The following TGFB1I1 variants were observed in gnomAD, a reference collection of about 807,000 sequenced individuals.
TGFB1I1 encodes the protein transforming growth factor beta 1 induced transcript 1.
TGFB1I1 carries 33 observed loss-of-function variants against 52.0 expected under a neutral mutation model. That is an observed-to-expected ratio of 0.63 (90% CI 0.48 to 0.85). The LOEUF (loss-of-function observed/expected upper bound fraction) is 0.85, where lower values mean the gene tolerates loss of function less well. Among genes scored for constraint, TGFB1I1 ranks in the 40% least tolerant of loss-of-function variants. The probability of loss-of-function intolerance (pLI) is 0.00; values close to 1 mark genes in which losing one functional copy is unlikely to be tolerated. For synonymous variants in TGFB1I1, 236 were observed against 253.3 expected, an observed-to-expected ratio of 0.93 and a Z score of 0.65; for missense variants, 577 against 614.9, an observed-to-expected ratio of 0.94 and a Z score of 0.65.
At position 31,477,011 on chromosome 16, in the gene TGFB1I1, G is replaced by A. The variant is rs2082429341; in HGVS notation, c.1119+1G>A. The A allele has an allele frequency of 1.9e-6, 3 of 1,576,792 alleles. No individual in the cohort carries two copies. Among genetic ancestry groups the A allele is most frequent in the East Asian group, 2.3e-5 (1 of 43,570 alleles). On this transcript the variant is annotated splice_donor_variant, in intron 10 of 10. Coordinates refer to ENST00000394863, the MANE Select transcript of TGFB1I1 (RefSeq NM_001042454.3). LOFTEE classifies it high-confidence loss of function. This position sits in a 1 kb window ranked among gnomAD's most constrained non-coding sequence, Gnocchi z 4.7. ...GCACCCGGACTGTTTCGTCTGCAGG[G>A]TGCGAGCTGCGGGGCGGGGCGTTGG...
Position 31,477,175 on chromosome 16 carries a change from G to T in TGFB1I1, c.1120-135G>T. 1 of 1,439,542 alleles carries T rather than the reference G, an allele frequency of 6.9e-7. No individual in the cohort carries two copies. Among genetic ancestry groups the T allele is most frequent in the Non-Finnish European group, 9.2e-7 (1 of 1,081,794 alleles). 89.2% of individuals were successfully genotyped at this position (1,439,542 alleles called of 1,614,324 possible). On this transcript the variant is annotated intron_variant, in intron 10 of 10. Transcript: ENST00000394863. This position sits in a 1 kb window ranked among gnomAD's most constrained non-coding sequence, Gnocchi z 4.7. The stretch of plus-strand genomic sequence containing the variant: ...ACCTCGGGTGGGGCGAGTTTTCCGG[G>T]CAGGGTCCCACCGGACGGGATTCTT...
Position 31,476,852 on chromosome 16 carries a change from C to T in TGFB1I1, c.971-10C>T. The T allele has an allele frequency of 3.1e-6, 5 of 1,611,910 alleles. No homozygotes were observed. Among genetic ancestry groups the T allele is most frequent in the South Asian group, 1.1e-5 (1 of 90,978 alleles). On this transcript the variant is annotated splice_polypyrimidine_tract_variant and intron_variant, in intron 9 of 10. Transcript: ENST00000394863. The surrounding 1 kb of genome is among the most constrained non-coding windows in gnomAD (Gnocchi z 7.6). Reference sequence around the variant, plus strand: ...CCTTTGCTTTCAGCCCACTCGGTTCCCTCTCCTAGGTTTCCACGAGCGCGA... The same window carrying T: ...CCTTTGCTTTCAGCCCACTCGGTTCTCTCTCCTAGGTTTCCACGAGCGCGA...
At position 31,473,888 on chromosome 16, in the gene TGFB1I1, TCTC is replaced by T; in HGVS notation, c.240_242del (p.Ser83del). 2 of 1,613,958 alleles carry T rather than the reference TCTC, an allele frequency of 1.2e-6. No homozygotes were observed. Among genetic ancestry groups the T allele is most frequent in the Middle Eastern group, 1.6e-4 (1 of 6,062 alleles). On this transcript the variant is annotated inframe_deletion, in exon 4 of 11. Coordinates refer to ENST00000394863, the MANE Select transcript of TGFB1I1 (RefSeq NM_001042454.3). ...CCTGCAGCCCCGGCGGCCCCTCCAT[TCTC>T]CTCTTCCAGCGGTGTCTTGGGTACC...
rs1235517948 is a variant in TGFB1I1, at chr16:31,473,562, A to G, written c.129+6A>G. On this transcript the variant is annotated splice_donor_region_variant and intron_variant, in intron 2 of 10. Transcript: ENST00000394863. ...CCTATGGCCACCAGCCACAGGTGAG[A>G]TCGGATGTTGGGGACTGGGGCAGCC... The G allele has an allele frequency of 1.9e-6, 3 of 1,613,462 alleles. No individual in the cohort carries two copies. The highest frequency in any genetic ancestry group is 2.5e-6 in the Non-Finnish European group (3 of 1,179,690).
In TGFB1I1 at chr16:31,477,788, G is replaced by C. The variant is rs559343332; in HGVS notation, c.*212G>C. 7.8e-6 allele frequency: 5 copies of C among 643,762 alleles called. No individual in the cohort carries two copies. The highest frequency in any genetic ancestry group is 7.4e-5 in the African/African-American group (4 of 54,360). 39.9% of individuals were successfully genotyped at this position (643,762 alleles called of 1,614,324 possible). ...CACAAAGTGGATTGCACACAGACAA[G>C]AACTCCCGTGCGGGCCTCCACTCTA... is the stretch of plus-strand genomic sequence containing the variant. On this transcript the variant is annotated 3_prime_UTR_variant, in exon 11 of 11. Coordinates refer to ENST00000394863, the MANE Select transcript of TGFB1I1 (RefSeq NM_001042454.3). This position sits in a 1 kb window ranked among gnomAD's most constrained non-coding sequence, Gnocchi z 4.7.
chr16:31,476,604 C>T lies in TGFB1I1; in HGVS notation c.970+42C>T. The stretch of plus-strand genomic sequence containing the variant: ...CTCCCATCTTAAAAGCTGCGGGTCC[C>T]CTCGACGTCTCGCCCCAGCCCCTCC... On this transcript the variant is annotated intron_variant, in intron 9 of 10. Coordinates refer to ENST00000394863, the MANE Select transcript of TGFB1I1 (RefSeq NM_001042454.3). This position sits in a 1 kb window ranked among gnomAD's most constrained non-coding sequence, Gnocchi z 7.6. 1 of 1,585,170 alleles carries T rather than the reference C, an allele frequency of 6.3e-7. No individual in the cohort carries two copies. Among genetic ancestry groups the T allele is most frequent in the Non-Finnish European group, 8.6e-7 (1 of 1,163,144 alleles).
chr16:31,475,744 A>G (rs2142596582), intron 7 of TGFB1I1: 1 of 401,862 alleles, frequency 2.5e-6, no homozygotes, highest in East Asian at 4.1e-5. Context: ...GATTTTAAAA[A>G]AATTAAAACG....
chr16:31,473,097 G>A (rs147786033), intron 1 of TGFB1I1: 30 of 646,518 alleles, frequency 4.6e-5, no homozygotes, highest in African/African-American at 3.9e-4. Context: ...AAGAGAGAGC[G>A]TCCAATCAGA....
Position 31,474,618 on chromosome 16 carries a change from C to T in TGFB1I1, c.575C>T (p.Ser192Phe), listed in dbSNP as rs1477973777. The T allele has an allele frequency of 6.2e-7, 1 of 1,611,400 alleles. No homozygotes were observed. The highest frequency in any genetic ancestry group is 1.1e-5 in the South Asian group (1 of 90,988). ...GTGGTGAGCTCCACAAATGAGGGCT[C>T]CCCATCCCCACCAGAGCCGACTGGC... ...PPVVSSTNEG[S>F]PSPPEPTGKG... is the part of the protein sequence containing the mutation. The change falls in exon 7 of 11, where the codon TCC becomes TTC. Residue 192 changes from serine (S) to phenylalanine (F), a missense_variant. This residue lies in a region of TGFB1I1 where 456 missense variants were observed against 461.6 expected (regional missense o/e 0.99). Coordinates refer to ENST00000394863, the MANE Select transcript of TGFB1I1 (RefSeq NM_001042454.3). The surrounding 1 kb of genome is among the most constrained non-coding windows in gnomAD (Gnocchi z 4.2).
At position 31,477,037 on chromosome 16, in the gene TGFB1I1, A is replaced by T; in HGVS notation, c.1119+27A>T. The T allele has an allele frequency of 9.8e-7, 1 of 1,024,932 alleles. No homozygotes were observed. Among genetic ancestry groups the T allele is most frequent in the Non-Finnish European group, 1.3e-6 (1 of 761,270 alleles). 63.5% of individuals were successfully genotyped at this position (1,024,932 alleles called of 1,614,324 possible). A position where few individuals can be genotyped will look rare whatever the true frequency, so the allele number is the denominator to read the frequency against. On this transcript the variant is annotated intron_variant, in intron 10 of 10. Coordinates refer to ENST00000394863, the MANE Select transcript of TGFB1I1 (RefSeq NM_001042454.3). The surrounding 1 kb of genome is among the most constrained non-coding windows in gnomAD (Gnocchi z 4.7). Reference sequence around the variant, plus strand: ...TGCGAGCTGCGGGGCGGGGCGTTGGAGGGGCGGGTCAAGGGTACAGGGCTG... The same window carrying T: ...TGCGAGCTGCGGGGCGGGGCGTTGGTGGGGCGGGTCAAGGGTACAGGGCTG...
At position 31,476,186 on chromosome 16, in the gene TGFB1I1, G is replaced by C; in HGVS notation, c.888+1G>C. 1 of 1,611,028 alleles carries C rather than the reference G, an allele frequency of 6.2e-7. No individual in the cohort carries two copies. The highest frequency in any genetic ancestry group is 1.8e-4 in the Middle Eastern group (1 of 5,562). ...CTTCTGCAACCAGCCCATCCGACAC[G>C]TGAGCCCCGCCCGGCCGCACCGAGC... On this transcript the variant is annotated splice_donor_variant, in intron 8 of 10. Coordinates refer to ENST00000394863, the MANE Select transcript of TGFB1I1 (RefSeq NM_001042454.3). LOFTEE classifies it high-confidence loss of function. The surrounding 1 kb of genome is among the most constrained non-coding windows in gnomAD (Gnocchi z 7.6).
At chr16:31,475,378 C>T (rs1182600999) in intron 7 of TGFB1I1, 1 of 152,758 alleles carries the variant, frequency 6.5e-6, no homozygotes, top group Non-Finnish European at 1.5e-5. Context: ...GCATTTTCTT[C>T]TAGTTCATTT....
Position 31,477,113 on chromosome 16 carries a change from C to A in TGFB1I1, c.1119+103C>A. On this transcript the variant is annotated intron_variant, in intron 10 of 10. Transcript: ENST00000394863. This position sits in a 1 kb window ranked among gnomAD's most constrained non-coding sequence, Gnocchi z 4.7. ...TCAAGGGTGCAGGGCAGGGGGCGGGCCCTCGGGGGGGCGGGTCACGGGAGG... is the reference window on the plus strand; with the variant it reads ...TCAAGGGTGCAGGGCAGGGGGCGGGACCTCGGGGGGGCGGGTCACGGGAGG... 1 of 1,377,482 alleles carries A rather than the reference C, an allele frequency of 7.3e-7. No individual in the cohort carries two copies. Among genetic ancestry groups the A allele is most frequent in the Non-Finnish European group, 9.6e-7 (1 of 1,038,484 alleles). 85.3% of individuals were successfully genotyped at this position (1,377,482 alleles called of 1,614,324 possible).
chr16:31,475,899 G>A, intron 7 of TGFB1I1, 113 bp from the exon 8 acceptor site: 1 of 1,173,646 alleles, frequency 8.5e-7, no homozygotes, highest in Non-Finnish European at 1.2e-6. Flanking sequence ...CTCGAACACT[G>A]GATTCTTTAT....
chr16:31,472,590 C>T (rs897436324), intron 1 of TGFB1I1: 6 of 195,060 alleles, frequency 3.1e-5, no homozygotes, highest in Non-Finnish European at 6.2e-5. Context: ...CTGCCTGCAC[C>T]AGAGTTTTGG....
Position 31,474,461 on chromosome 16 carries a change from TTGGGCAG to T in TGFB1I1, c.519+12_519+18del, listed in dbSNP as rs1159156215. 3 of 1,614,112 alleles carry T rather than the reference TTGGGCAG, an allele frequency of 1.9e-6. No homozygotes were observed. The highest frequency in any genetic ancestry group is 2.5e-6 in the Non-Finnish European group (3 of 1,180,016). On this transcript the variant is annotated splice_region_variant and intron_variant, in intron 6 of 10. Coordinates refer to ENST00000394863, the MANE Select transcript of TGFB1I1 (RefSeq NM_001042454.3). This position sits in a 1 kb window ranked among gnomAD's most constrained non-coding sequence, Gnocchi z 4.2. The stretch of plus-strand genomic sequence containing the variant: ...ACTTCCGCGTTCAAAACCATGTGAG[TTGGGCAG>T]TGGGCCAGTGTCCATTTGTGGCTCC...
chr16:31,477,294 G>T lies in TGFB1I1; in HGVS notation c.1120-16G>T. ...CGCTGACCTGTCTGTCCTCTTTCGC[G>T]GCTTCCCTTCCCCAGGAATGCTTCG... is the stretch of plus-strand genomic sequence containing the variant. On this transcript the variant is annotated splice_polypyrimidine_tract_variant and intron_variant, in intron 10 of 10. Transcript: ENST00000394863. This position sits in a 1 kb window ranked among gnomAD's most constrained non-coding sequence, Gnocchi z 4.7. 6.3e-7 allele frequency: 1 copy of T among 1,592,598 alleles called. No homozygotes were observed. The highest frequency in any genetic ancestry group is 8.6e-7 in the Non-Finnish European group (1 of 1,167,004).
At position 31,473,959 on chromosome 16, in the gene TGFB1I1, A is replaced by T. The variant is rs201769874; in HGVS notation, c.307A>T (p.Thr103Ser). The T allele has an allele frequency of 6.2e-7, 1 of 1,613,228 alleles. No homozygotes were observed. The highest frequency in any genetic ancestry group is 8.5e-7 in the Non-Finnish European group (1 of 1,179,892). ...LDRLLQELNATQFNITDEIMS... is the reference protein window; with the variant it reads ...LDRLLQELNASQFNITDEIMS... ...TCGGTTGCTTCAGGAACTTAATGCCACTCAGTTCAACATCACAGGTACCAG... is the reference window on the plus strand; with the variant it reads ...TCGGTTGCTTCAGGAACTTAATGCCTCTCAGTTCAACATCACAGGTACCAG... The change falls in exon 4 of 11, where the codon ACT becomes TCT. Residue 103 changes from threonine to serine, a missense_variant. This residue lies in a region of TGFB1I1 where 8 missense variants were observed against 29.4 expected (regional missense o/e 0.27). Transcript: ENST00000394863.
chr16:31,476,836 T>G lies in TGFB1I1; in HGVS notation c.971-26T>G. 1 of 1,611,590 alleles carries G rather than the reference T, an allele frequency of 6.2e-7. No individual in the cohort carries two copies. The highest frequency in any genetic ancestry group is 8.5e-7 in the Non-Finnish European group (1 of 1,179,788). ...CCCGTCCCGCCCGCACCCTTTGCTT[T>G]CAGCCCACTCGGTTCCCTCTCCTAG... is the stretch of plus-strand genomic sequence containing the variant. On this transcript the variant is annotated intron_variant, in intron 9 of 10. Coordinates refer to ENST00000394863, the MANE Select transcript of TGFB1I1 (RefSeq NM_001042454.3). This position sits in a 1 kb window ranked among gnomAD's most constrained non-coding sequence, Gnocchi z 7.6.
Sources: gnomAD v4.1 joint callset for allele counts on GRCh38, gnomAD v4.1.1 for gene constraint, gnomAD v4.1.1 regional missense constraint, Gnocchi (gnomAD v3.1) non-coding constraint, MANE v1.5 for transcripts, NCBI Gene and HGNC (gene_info 2026-07-23, HGNC 2026-07-21) for gene names.